ST6GALNAC5: variants seen among roughly 807,000 people sequenced by gnomAD.
ST6GALNAC5 encodes alpha-N-acetylgalactosaminide alpha-2,6-sialyltransferase 5.
In ST6GALNAC5, 27 loss-of-function variants were observed where a neutral mutation model predicts 33.6. That is an observed-to-expected ratio of 0.80 (90% CI 0.59 to 1.11). The LOEUF (loss-of-function observed/expected upper bound fraction) is 1.11, where lower values mean the gene tolerates loss of function less well. Among genes scored for constraint, ST6GALNAC5 ranks in the 50% least tolerant of loss-of-function variants. The pLI is 0.00. For synonymous variants in ST6GALNAC5, 194 were observed against 171.2 expected (o/e 1.13, Z -1.04); for missense variants, 428 against 454.0 (o/e 0.94, Z 0.52).
At chr1:76,904,326 G>A (rs1646844860) in intron 2 of ST6GALNAC5, among the ~76,000 whole-genome samples, 1 of 152,150 alleles carries the variant, frequency 6.6e-6, no homozygotes, top group South Asian at 2.1e-4. Flanking sequence ...TCATGCTTAA[G>A]GGTGCTGTGA....
chr1:77,009,486 C>A (rs933355691), intron 2 of ST6GALNAC5, among the ~76,000 whole-genome samples: 7 of 151,752 alleles, frequency 4.6e-5, no homozygotes, highest in Non-Finnish European at 8.8e-5. Flanking sequence ...GGGGAGAGCA[C>A]AGAGATAAAG....
chr1:77,049,505 T>A (rs1652146659), intron 3 of ST6GALNAC5, among the ~76,000 whole-genome samples: 1 of 152,200 alleles, frequency 6.6e-6, no homozygotes, highest in African/African-American at 2.4e-5. Context: ...TCCTAAGGTG[T>A]AGCATATGGT....
chr1:77,011,231 C>A (rs953691911), intron 2 of ST6GALNAC5, among the ~76,000 whole-genome samples: 7 of 152,152 alleles, frequency 4.6e-5, no homozygotes, highest in Non-Finnish European at 8.8e-5. Context: ...CACTGCCTCC[C>A]CAAGCAGCAT....
intron 2 of ST6GALNAC5, among the ~76,000 whole-genome samples, chr1:76,947,535 G>C (rs1647568384): frequency 6.6e-6 from 1 of 151,950 alleles, no homozygotes. Context: ...TCAGAAGTTT[G>C]AGACCAGCCT....
intron 2 of ST6GALNAC5, among the ~76,000 whole-genome samples, chr1:77,027,361 C>G (rs1017577506): frequency 6.6e-6 from 1 of 152,112 alleles, no homozygotes; most frequent in Non-Finnish European, 1.5e-5. Flanking sequence ...GCTGGAAGTG[C>G]GAGCTTAAGA....
intron 2 of ST6GALNAC5, among the ~76,000 whole-genome samples, chr1:76,991,614 G>A (rs900816035): frequency 2.0e-5 from 3 of 152,010 alleles, no homozygotes; most frequent in African/African-American, 4.8e-5. Flanking sequence ...CCTTCTCATA[G>A]ACAGGTAACT....
At chr1:76,886,368 G>T (rs1216646502) in intron 2 of ST6GALNAC5, among the ~76,000 whole-genome samples, 1 of 151,964 alleles carries the variant, frequency 6.6e-6, no homozygotes, top group African/African-American at 2.4e-5. Context: ...TCAAGTATAT[G>T]GTATTATATC....
intron 2 of ST6GALNAC5, among the ~76,000 whole-genome samples, chr1:76,894,549 G>A (rs549798728): frequency 6.6e-6 from 1 of 152,228 alleles, no homozygotes; most frequent in South Asian, 2.1e-4. Flanking sequence ...GACTTGATAG[G>A]CACCCTATTG....
intron 2 of ST6GALNAC5, among the ~76,000 whole-genome samples, chr1:77,041,164 A>C (rs1438419039): frequency 6.6e-6 from 1 of 152,166 alleles, no homozygotes; most frequent in African/African-American, 2.4e-5. Context: ...GCTCCTTTTT[A>C]AAATTGTCTC....
chr1:76,875,373 A>G (rs574553592), intron 2 of ST6GALNAC5, among the ~76,000 whole-genome samples: 7 of 152,208 alleles, frequency 4.6e-5, no homozygotes, highest in Admixed American at 1.3e-4. Context: ...AACCTAATGG[A>G]CACCCTAAAG....
intron 2 of ST6GALNAC5, among the ~76,000 whole-genome samples, chr1:76,945,936 C>G (rs891356577): frequency 2.6e-5 from 4 of 151,976 alleles, no homozygotes; most frequent in Admixed American, 2.6e-4. Context: ...TTCTTTGATT[C>G]CGGGAATGAG....
intron 2 of ST6GALNAC5, among the ~76,000 whole-genome samples, chr1:76,927,365 T>C (rs545047625): frequency 6.6e-6 from 1 of 152,138 alleles, no homozygotes; most frequent in South Asian, 2.1e-4. Context: ...TATTGGAGGA[T>C]AGTGAGGCGA....
At chr1:77,003,321 T>G (rs1650251780) in intron 2 of ST6GALNAC5, among the ~76,000 whole-genome samples, 1 of 136,856 alleles carries the variant, frequency 7.3e-6, no homozygotes, top group Admixed American at 7.7e-5. Context: ...AACCCCTGCC[T>G]TTTTTTGTTT....
chr1:76,942,842 C>A (rs569271632), intron 2 of ST6GALNAC5, among the ~76,000 whole-genome samples: 1 of 152,182 alleles, frequency 6.6e-6, no homozygotes, highest in East Asian at 1.9e-4. Context: ...CTCTATCCAG[C>A]TGCATATCTA....
At chr1:76,914,330 G>GA (rs1646945753) in intron 2 of ST6GALNAC5, among the ~76,000 whole-genome samples, 1 of 152,064 alleles carries the variant, frequency 6.6e-6, no homozygotes, top group Admixed American at 6.6e-5. Context: ...CACAGAATTG[G>GA]AAAAAACTAC....
At chr1:76,977,656 A>G (rs1189399858) in intron 2 of ST6GALNAC5, among the ~76,000 whole-genome samples, 1 of 152,188 alleles carries the variant, frequency 6.6e-6, no homozygotes, top group African/African-American at 2.4e-5. Context: ...GTTCTGTTTT[A>G]TGACTAAGTA....
intron 2 of ST6GALNAC5, among the ~76,000 whole-genome samples, chr1:76,992,650 A>G (rs1649782712): frequency 6.6e-6 from 1 of 152,154 alleles, no homozygotes; most frequent in African/African-American, 2.4e-5. Context: ...GCATGCCACC[A>G]TGCCCAGCTA....
At chr1:76,915,099 T>C (rs1178431918) in intron 2 of ST6GALNAC5, among the ~76,000 whole-genome samples, 3 of 151,920 alleles carry the variant, frequency 2.0e-5, no homozygotes, top group Admixed American at 6.6e-5. Context: ...AAAATGCTCA[T>C]CATCACTGGC....
In ST6GALNAC5 at chr1:77,050,288, C is replaced by A; in HGVS notation, c.702C>A (p.Gly234=). 2 of 1,614,100 alleles carry A rather than the reference C, an allele frequency of 1.2e-6. No homozygotes were observed. The highest frequency in any genetic ancestry group is 1.7e-6 in the Non-Finnish European group (2 of 1,179,952). ...RKISNTWLST[G]WFTMTIALEL... ...TATCCAACACTTGGCTCAGCACTGG[C>A]TGGTTTACAATGACAATTGCACTGG... The change falls in exon 4 of 5, where the codon GGC becomes GGA. Residue 234 remains glycine (G), a synonymous_variant. Transcript: ENST00000477717.
Sources: gnomAD v4.1 joint callset for allele counts (sites outside exome capture counted in the v4.1 genomes callset) on GRCh38, gnomAD v4.1.1 for gene constraint, MANE v1.5 for transcripts, NCBI Gene and HGNC (gene_info 2026-07-23, HGNC 2026-07-21) for gene names.